MINAR1: variants seen among roughly 807,000 people sequenced by gnomAD.
MINAR1 encodes membrane integral NOTCH2 associated receptor 1.
In MINAR1, 40 loss-of-function variants were observed where a neutral mutation model predicts 65.1. That is an observed-to-expected ratio of 0.61 (90% CI 0.48 to 0.80). MINAR1 has a LOEUF of 0.80. MINAR1 is among the 30% of genes least tolerant of loss of function. MINAR1 has a pLI of 0.00. For missense variants in MINAR1, 1,128 were observed against 1,148.0 expected (o/e 0.98, Z 0.25); for synonymous variants, 482 against 449.1 (o/e 1.07, Z -0.93).
intron 2 of MINAR1, among the ~76,000 whole-genome samples, chr15:79,459,263 G>GT (rs1275329003): frequency 6.6e-6 from 1 of 152,176 alleles, no homozygotes; most frequent in Non-Finnish European, 1.5e-5. Flanking sequence ...TTCCTTTTTA[G>GT]TTTTTTTCTC....
In MINAR1 at chr15:79,463,266, A is replaced by G; in HGVS notation, c.2498A>G (p.Glu833Gly). Residue 833 changes from glutamate to glycine, a missense_variant, in exon 3 of 4, where the codon GAG becomes GGG. Transcript: ENST00000305428. ...CGGGGCCAACCTTCTTGGACCATTG[A>G]GGAGTATGCACGGAATGCGGGCGAC... ...VKRGQPSWTI[E>G]EYARNAGDKG... The G allele has an allele frequency of 6.2e-7, 1 of 1,612,626 alleles. No individual in the cohort carries two copies. The highest frequency in any genetic ancestry group is 8.5e-7 in the Non-Finnish European group (1 of 1,179,944).
intron 1 of MINAR1, among the ~76,000 whole-genome samples, chr15:79,435,736 G>A (rs1567048359): frequency 6.6e-6 from 1 of 152,234 alleles, no homozygotes; most frequent in East Asian, 1.9e-4. Flanking sequence ...GGAGAGCAGG[G>A]ACTTTGATTT....
At chr15:79,440,864 T>C (rs1177344475) in intron 1 of MINAR1, among the ~76,000 whole-genome samples, 1 of 152,248 alleles carries the variant, frequency 6.6e-6, no homozygotes, top group Non-Finnish European at 1.5e-5. Flanking sequence ...TTTACTTTTC[T>C]ATTTCGCTTA....
In MINAR1 at chr15:79,457,835, A is replaced by G; in HGVS notation, c.1688A>G (p.Asn563Ser). 1 of 1,614,144 alleles carries G rather than the reference A, an allele frequency of 6.2e-7. No individual in the cohort carries two copies. The highest frequency in any genetic ancestry group is 2.2e-5 in the East Asian group (1 of 44,880). ...KSDCDSSPEH[N>S]LTKIANGVPN... Reference sequence around the variant, plus strand: ...GACTGCGACAGTTCCCCTGAGCACAACTTAACCAAAATTGCCAATGGGGTC... The same window carrying G: ...GACTGCGACAGTTCCCCTGAGCACAGCTTAACCAAAATTGCCAATGGGGTC... Residue 563 changes from asparagine (N) to serine (S), a missense_variant, in exon 2 of 4, where the codon AAC becomes AGC. Physicochemically the swap from Asn to Ser is conservative, Grantham distance 46 (BLOSUM62 1). Transcript: ENST00000305428.
chr15:79,431,008 T>A (rs1221527451), upstream of MINAR1, among the ~76,000 whole-genome samples: 1 of 152,226 alleles, frequency 6.6e-6, no homozygotes, highest in African/African-American at 2.4e-5. Context: ...TCCAGACAGC[T>A]GAGGGAGGCT....
chr15:79,419,035 A>T, the MINAR1 span: 1 of 152,250 alleles, frequency 6.6e-6, no homozygotes, highest in Non-Finnish European at 1.5e-5. Flanking sequence ...ACAAAGGAAG[A>T]GTTTAATTCT....
the MINAR1 span, chr15:79,411,611 T>C: frequency 1.5e-6 from 1 of 655,790 alleles, no homozygotes; most frequent in Non-Finnish European, 2.8e-6. Flanking sequence ...TGGGACTAGC[T>C]CCTGGTCCCC....
the MINAR1 span, chr15:79,413,573 C>T: frequency 6.6e-6 from 1 of 152,240 alleles, no homozygotes; most frequent in Non-Finnish European, 1.5e-5. Context: ...AAACCTTGGC[C>T]TTGTCCCAAT....
intron 3 of MINAR1, among the ~76,000 whole-genome samples, chr15:79,464,109 G>C (rs997281226): frequency 6.6e-6 from 1 of 152,210 alleles, no homozygotes; most frequent in Non-Finnish European, 1.5e-5. Context: ...TGCTCTAAAA[G>C]AGGGCTGTGG....
rs769705434 is a variant in MINAR1, at chr15:79,468,214, T to TTAGAG, written c.2584_2588dup (p.Tyr863Ter). On this transcript the variant is annotated frameshift_variant, in exon 4 of 4. Coordinates refer to ENST00000305428, the MANE Select transcript of MINAR1 (RefSeq NM_015206.3). LOFTEE classifies it high-confidence loss of function. Reference sequence around the variant, plus strand: ...GCAAGAATCTTTAAACCCAAATAATTTAGAGTACTGGATGGAAGACATTTA... The same window carrying TTAGAG: ...GCAAGAATCTTTAAACCCAAATAATTTAGAGTAGAGTACTGGATGGAAGACATTTA... 1.2e-6 allele frequency: 2 copies of TTAGAG among 1,613,968 alleles called. No homozygotes were observed. The highest frequency in any genetic ancestry group is 2.2e-5 in the East Asian group (1 of 44,880).
intron 2 of MINAR1, among the ~76,000 whole-genome samples, chr15:79,461,596 T>C (rs1221754165): frequency 6.6e-6 from 1 of 152,172 alleles, no homozygotes; most frequent in Non-Finnish European, 1.5e-5. Flanking sequence ...GGAACCTCAT[T>C]TTCTTGTGTG....
intron 1 of MINAR1, among the ~76,000 whole-genome samples, chr15:79,447,089 TG>T (rs1895044891): frequency 6.6e-6 from 1 of 152,118 alleles, no homozygotes; most frequent in Non-Finnish European, 1.5e-5. Flanking sequence ...GGTTTCACCA[TG>T]TTGGCCAGGC....
At chr15:79,447,797 A>G (rs776238587) in intron 1 of MINAR1, among the ~76,000 whole-genome samples, 2 of 152,116 alleles carry the variant, frequency 1.3e-5, no homozygotes, top group Non-Finnish European at 2.9e-5. Context: ...TCTAAGGGGT[A>G]ATTTTTTACT....
the MINAR1 span, chr15:79,413,216 C>T: frequency 2.8e-4 from 42 of 152,212 alleles, no homozygotes; most frequent in Non-Finnish European, 4.4e-5. Flanking sequence ...TCTGAACCCG[C>T]ACATGTACCC....
At chr15:79,415,125 A>G in the MINAR1 span, 1 of 152,240 alleles carries the variant, frequency 6.6e-6, no homozygotes. Context: ...TAAGTTTCAC[A>G]TGGGGGAAAG....
Position 79,456,457 on chromosome 15 carries a change from A to G in MINAR1, c.310A>G (p.Lys104Glu), listed in dbSNP as rs1254330606. The stretch of plus-strand genomic sequence containing the variant: ...AATGAATGGCGGGGCTGCCAAGGAG[A>G]AGCTGCCCACGGGCCGCCAGAAGGT... ...IQMNGGAAKEKLPTGRQKVRK... is the reference protein window; with the variant it reads ...IQMNGGAAKEELPTGRQKVRK... The change falls in exon 2 of 4, where the codon AAG (lysine) becomes GAG (glutamate). Residue 104 changes from lysine to glutamate, a missense_variant. Physicochemically the swap from Lys to Glu is moderately conservative, Grantham distance 56. Transcript: ENST00000305428. The G allele has an allele frequency of 6.2e-7, 1 of 1,614,038 alleles. No individual in the cohort carries two copies.
At chr15:79,446,670 G>A (rs899958472) in intron 1 of MINAR1, among the ~76,000 whole-genome samples, 7 of 151,906 alleles carry the variant, frequency 4.6e-5, no homozygotes, top group Admixed American at 1.3e-4. Context: ...CTAAGGGTGA[G>A]TTCATTATTT....
chr15:79,441,713 G>A (rs1259391760), intron 1 of MINAR1, among the ~76,000 whole-genome samples: 1 of 152,004 alleles, frequency 6.6e-6, no homozygotes, highest in East Asian at 1.9e-4. Context: ...CCCAACAGTG[G>A]TATGAGTATA....
chr15:79,425,951 A>G, the MINAR1 span: 1 of 152,354 alleles, frequency 6.6e-6, no homozygotes, highest in Non-Finnish European at 1.5e-5. Flanking sequence ...CTGGATCTCA[A>G]CGCAGCTGTC....
Sources: gnomAD v4.1 joint callset for allele counts (sites outside exome capture counted in the v4.1 genomes callset) on GRCh38, gnomAD v4.1.1 for gene constraint, MANE v1.5 for transcripts, NCBI Gene and HGNC (gene_info 2026-07-23, HGNC 2026-07-21) for gene names.